The following RALGAPA1 variants were observed in gnomAD, a reference collection of about 807,000 sequenced individuals.
RALGAPA1 encodes ral GTPase-activating protein subunit alpha-1.
A neutral mutation model predicts 269.6 loss-of-function variants in RALGAPA1; 52 were observed. The observed-to-expected ratio is 0.19, with a 90% CI of 0.15 to 0.24. The LOEUF is 0.24. Ranked by LOEUF, RALGAPA1 falls within the 10% of genes least tolerant of loss-of-function variation. The probability of loss-of-function intolerance (pLI) is 1.00; values close to 1 mark genes in which losing one functional copy is unlikely to be tolerated. For missense variants in RALGAPA1, 1,917 were observed against 3,013.9 expected, an observed-to-expected ratio of 0.64 and a Z score of 8.52; for synonymous variants, 817 against 1,008.3, an observed-to-expected ratio of 0.81 and a Z score of 3.60.
chr14:35,566,019 C>T (rs953740233), intron 39 of RALGAPA1, among the ~76,000 whole-genome samples: 17 of 151,952 alleles, frequency 1.1e-4, no homozygotes, highest in Admixed American at 1.1e-3. Context: ...GCTGAAATAC[C>T]TCTCTGGTCC....
At chr14:35,554,040 G>A (rs1332989553) in intron 39 of RALGAPA1, among the ~76,000 whole-genome samples, 1 of 152,144 alleles carries the variant, frequency 6.6e-6, no homozygotes, top group East Asian at 1.9e-4. Flanking sequence ...CAGGAAGAGG[G>A]AGTGTTCCAA....
intron 1 of RALGAPA1, among the ~76,000 whole-genome samples, chr14:35,805,494 A>G (rs1395096223): frequency 1.3e-5 from 2 of 151,102 alleles, no homozygotes; most frequent in South Asian, 2.1e-4. Context: ...GCATAATTCC[A>G]TTTTTATGCT....
intron 41 of RALGAPA1, among the ~76,000 whole-genome samples, chr14:35,548,001 G>GA (rs34965588): frequency 0.35 from 52,745 of 151,828 alleles, 12,688 homozygotes; most frequent in African/African-American, 0.68. Flanking sequence ...AATATAAAGA[G>GA]ATTTGAAGGT....
At chr14:35,656,886 C>A (rs2063210455) in intron 28 of RALGAPA1, among the ~76,000 whole-genome samples, 1 of 152,058 alleles carries the variant, frequency 6.6e-6, no homozygotes, top group Non-Finnish European at 1.5e-5. Context: ...ACTAAATAAC[C>A]AAGCTTCGGG....
chr14:35,689,429 A>G lies in RALGAPA1; in HGVS notation c.2982T>C (p.Asn994=), dbSNP rs2066287764. 1 of 1,232,068 alleles carries G rather than the reference A, an allele frequency of 8.1e-7. No homozygotes were observed. The highest frequency in any genetic ancestry group is 1.6e-5 in the African/African-American group (1 of 64,376). The allele number at this position is 1,232,068 out of a possible 1,614,324, so 76.3% of individuals were successfully genotyped here. Residue 994 remains asparagine, a synonymous_variant, in exon 18 of 42, where the codon AAT becomes AAC. Transcript: ENST00000680220. ...CAGGAGTCCCAACAAAAGAGGTGAT[A>G]TTTTCTGATTCAGTTTCCTGATCTG... ...ECTDQETESE[N]ITSFVGTPEN...
intron 37 of RALGAPA1, among the ~76,000 whole-genome samples, chr14:35,573,106 G>A (rs980585218): frequency 1.7e-4 from 26 of 152,074 alleles, no homozygotes; most frequent in Admixed American, 1.5e-3. Flanking sequence ...TTCGTTTAAC[G>A]AATTTATTTC....
chr14:35,788,181 C>T (rs1000409497), intron 1 of RALGAPA1, among the ~76,000 whole-genome samples: 2 of 151,700 alleles, frequency 1.3e-5, no homozygotes, highest in African/African-American at 4.8e-5. Flanking sequence ...TCATGTTGGC[C>T]AGCCTGGTCT....
intron 16 of RALGAPA1, among the ~76,000 whole-genome samples, chr14:35,709,891 A>C (rs2068148482): frequency 6.6e-6 from 1 of 152,156 alleles, no homozygotes; most frequent in African/African-American, 2.4e-5. Flanking sequence ...TTGCAGTCAG[A>C]GGGTATATTA....
intron 24 of RALGAPA1, among the ~76,000 whole-genome samples, chr14:35,673,428 C>T (rs1295823544): frequency 1.3e-5 from 2 of 151,928 alleles, no homozygotes; most frequent in African/African-American, 2.4e-5. Flanking sequence ...CGGTGGCACA[C>T]GCCTGTAGTA....
intron 39 of RALGAPA1, chr14:35,564,260 T>G (rs1344504998): frequency 6.6e-6 from 1 of 152,222 alleles, no homozygotes; most frequent in Non-Finnish European, 1.5e-5. Context: ...ATTGATGTTA[T>G]CTTCTGAGAA....
intron 16 of RALGAPA1, among the ~76,000 whole-genome samples, chr14:35,717,573 T>C (rs77626318): frequency 0.041 from 6,177 of 152,242 alleles, 360 homozygotes; most frequent in African/African-American, 0.12. Context: ...TTTTATTTTT[T>C]TTTTGGAGAC....
intron 39 of RALGAPA1, among the ~76,000 whole-genome samples, chr14:35,565,762 A>G (rs1473016968): frequency 6.6e-6 from 1 of 152,206 alleles, no homozygotes; most frequent in Non-Finnish European, 1.5e-5. Flanking sequence ...AAATCTCACT[A>G]AAAGAAGAAA....
chr14:35,741,896 G>T (rs978779334), intron 11 of RALGAPA1, among the ~76,000 whole-genome samples: 1 of 152,106 alleles, frequency 6.6e-6, no homozygotes, highest in African/African-American at 2.4e-5. Flanking sequence ...ACCAAGTCAA[G>T]AAGTTTCACA....
At chr14:35,628,533 T>C (rs2061131227) in intron 33 of RALGAPA1, among the ~76,000 whole-genome samples, 1 of 152,156 alleles carries the variant, frequency 6.6e-6, no homozygotes, top group South Asian at 2.1e-4. Flanking sequence ...CTGATAAGTT[T>C]CTTATCTCCA....
chr14:35,699,082 G>A (rs1233183526), intron 17 of RALGAPA1, among the ~76,000 whole-genome samples: 2 of 151,996 alleles, frequency 1.3e-5, no homozygotes, highest in Admixed American at 1.3e-4. Context: ...GGATATTAAG[G>A]TTTGAATTGA....
At chr14:35,773,017 C>T (rs183147378) in intron 3 of RALGAPA1, among the ~76,000 whole-genome samples, 107 of 152,280 alleles carry the variant, frequency 7.0e-4, no homozygotes, top group South Asian at 2.5e-3. Flanking sequence ...ATGTCTCCCA[C>T]AGCTGGCCAA....
At chr14:35,765,692 T>C in intron 4 of RALGAPA1, 1 of 278,752 alleles carries the variant, frequency 3.6e-6, no homozygotes, top group Non-Finnish European at 6.9e-6. Context: ...GTTGGGGTAC[T>C]GCCATGTTAC....
At chr14:35,798,857 G>A (rs890403683) in intron 1 of RALGAPA1, among the ~76,000 whole-genome samples, 2 of 152,052 alleles carry the variant, frequency 1.3e-5, no homozygotes, top group African/African-American at 2.4e-5. Flanking sequence ...TTAGCCAGGC[G>A]TAGTGGTACA....
At chr14:35,686,712 G>A (rs764481057) in intron 18 of RALGAPA1, 46 bp from the exon 19 acceptor site, 2 of 1,156,678 alleles carry the variant, frequency 1.7e-6, no homozygotes, top group Non-Finnish European at 2.4e-6. Context: ...AAACTTAACT[G>A]CATTTTCTAA....
Sources: allele counts gnomAD v4.1 joint callset (sites outside exome capture counted in the v4.1 genomes callset), GRCh38; gene constraint gnomAD v4.1.1; transcripts MANE v1.5; gene names NCBI Gene and HGNC (gene_info 2026-07-23, HGNC 2026-07-21).